The following SNRPN variants were observed in gnomAD, a reference collection of about 807,000 sequenced individuals.
The protein encoded by SNRPN is small nuclear ribonucleoprotein-associated protein N.
SNRPN carries 7 observed loss-of-function variants against 25.2 expected under a neutral mutation model. The observed-to-expected ratio is 0.28, with a 90% CI of 0.16 to 0.52. The LOEUF (loss-of-function observed/expected upper bound fraction) is 0.52. Ranked by LOEUF, SNRPN falls within the 20% of genes least tolerant of loss-of-function variation. The probability of loss-of-function intolerance (pLI) is 0.96; values close to 1 mark genes in which losing one functional copy is unlikely to be tolerated. For synonymous variants in SNRPN, 124 were observed against 110.6 expected (o/e 1.12, Z -0.76); for missense variants, 196 against 322.5 (o/e 0.61, Z 3.00).
chr15:24,933,032 C>A (rs943489231), intron 3 of SNRPN, among the ~76,000 whole-genome samples: 3 of 151,954 alleles, frequency 2.0e-5, no homozygotes, highest in Non-Finnish European at 4.4e-5. Flanking sequence ...GAGGCTGGGG[C>A]AGGAGGATTA....
intron 2 of SNRPN, among the ~76,000 whole-genome samples, chr15:24,843,126 T>G (rs2051845318): frequency 6.6e-6 from 1 of 152,106 alleles, no homozygotes. Context: ...CAGGTTGGAG[T>G]GCAATCCTGC....
At chr15:24,956,895 C>G (rs8027709) in intron 1 of SNRPN, among the ~76,000 whole-genome samples, 148,919 of 152,292 alleles carry the variant, frequency 0.98, 72,839 homozygotes, top group East Asian at 1. Context: ...AGAGTGGTGG[C>G]GGCCTGGAGG....
rs117206290 is a variant in SNRPN at position 24,945,696 on chromosome 15, G to A, written c.-390-16418G>A. Reference sequence around the variant, plus strand: ...TTTTTATTTTGTTGCTTGTGTTCCAGTTGGTGCATTCTCAAGAGTAGGTAC... The same window carrying A: ...TTTTTATTTTGTTGCTTGTGTTCCAATTGGTGCATTCTCAAGAGTAGGTAC... On this transcript the variant is annotated intron_variant, in intron 3 of 11. Coordinates refer to the SNRPN transcript ENST00000400097. 2.9e-3 allele frequency among the ~76,000 whole-genome samples: 437 copies of A among 152,340 alleles called. 2 individuals are homozygous for A. Among genetic ancestry groups the A allele is most frequent in the South Asian group, 0.017 (82 of 4,830 alleles).
At chr15:24,878,605 C>T (rs1273051705) in intron 1 of SNRPN, among the ~76,000 whole-genome samples, 2 of 152,186 alleles carry the variant, frequency 1.3e-5, no homozygotes, top group Non-Finnish European at 2.9e-5. Context: ...TCTGGTCTTG[C>T]ACTTTATGTG....
At chr15:24,825,232 C>CTCA (rs979165373) in intron 1 of SNRPN, among the ~76,000 whole-genome samples, 5 of 151,852 alleles carry the variant, frequency 3.3e-5, no homozygotes, top group Admixed American at 2.0e-4. Context: ...TTAAGTAACC[C>CTCA]TCATCTTCAT....
chr15:24,886,961 A>G (rs921621353), intron 2 of SNRPN, among the ~76,000 whole-genome samples: 2 of 152,122 alleles, frequency 1.3e-5, no homozygotes, highest in Non-Finnish European at 2.9e-5. Flanking sequence ...CAGGAATGGG[A>G]TGTAAAGTGA....
At chr15:24,939,938 T>C (rs2061452788) in intron 3 of SNRPN, among the ~76,000 whole-genome samples, 1 of 151,984 alleles carries the variant, frequency 6.6e-6, no homozygotes, top group Non-Finnish European at 1.5e-5. Context: ...TACAGACGTG[T>C]ACCACCATGC....
At chr15:24,936,753 G>C (rs1175561270) in intron 3 of SNRPN, among the ~76,000 whole-genome samples, 1 of 151,938 alleles carries the variant, frequency 6.6e-6, no homozygotes, top group Non-Finnish European at 1.5e-5. Context: ...AGCACCAAAG[G>C]GGAAATCCAC....
intron 2 of SNRPN, among the ~76,000 whole-genome samples, chr15:24,842,593 G>A (rs946270774): frequency 6.6e-6 from 1 of 152,128 alleles, no homozygotes; most frequent in Non-Finnish European, 1.5e-5. Context: ...ATTGAGCAAA[G>A]CTTTAAGGAA....
chr15:24,847,019 T>G (rs2052265745), intron 2 of SNRPN, among the ~76,000 whole-genome samples: 1 of 152,044 alleles, frequency 6.6e-6, no homozygotes, highest in Admixed American at 6.6e-5. Context: ...CACAAAAAAT[T>G]TTAGTATTTT....
intron 1 of SNRPN, among the ~76,000 whole-genome samples, chr15:24,861,682 GAGT>G (rs2053996491): frequency 1.3e-5 from 2 of 152,152 alleles, no homozygotes; most frequent in Admixed American, 1.3e-4. Context: ...AACCTTATGA[GAGT>G]ACCCTCCTAT....
At chr15:24,956,128 TAAG>T (rs2062824696) in intron 1 of SNRPN, among the ~76,000 whole-genome samples, 2 of 152,250 alleles carry the variant, frequency 1.3e-5, no homozygotes, top group East Asian at 1.9e-4. Context: ...GGCTATGGCA[TAAG>T]AAGACTGGAA....
At position 24,918,746 on chromosome 15, in the gene SNRPN, CAT is replaced by C. The variant is rs1389244897; in HGVS notation, c.-504-1263_-504-1262del. 5.1e-4 allele frequency among the ~76,000 whole-genome samples: 31 copies of C among 61,018 alleles called. 1 individual carries two copies. Among genetic ancestry groups the C allele is most frequent in the East Asian group, 1.7e-3 (4 of 2,398 alleles). The allele number at this position is 61,018 out of a possible 152,430, so 40.0% of individuals were successfully genotyped here. ...AATATATATGTGTGCATATATATAACATAATATATATGTGTGCATATATATAT... is the reference window on the plus strand; with the variant it reads ...AATATATATGTGTGCATATATATAACAATATATATGTGTGCATATATATAT... On this transcript the variant is annotated intron_variant, in intron 2 of 11. Coordinates refer to the SNRPN transcript ENST00000400097.
Position 24,977,021 on chromosome 15 carries a change from T to C in SNRPN, c.412T>C (p.Ser138Pro). The change falls in exon 7 of 10, where the codon TCC becomes CCC. Residue 138 changes from serine (S) to proline (P), a missense_variant. Ser to Pro is a moderately conservative substitution (Grantham distance 74). Transcript: ENST00000390687. Reference sequence around the variant, plus strand: ...CCCTGTCCGAGGAGTTGGGGGACCATCCCAGCAGGTGAGGAACCAGCAGAG... The same window carrying C: ...CCCTGTCCGAGGAGTTGGGGGACCACCCCAGCAGGTGAGGAACCAGCAGAG... Reference protein sequence around the residue: ...AGPVRGVGGPSQQVMTPQGRG... With the variant: ...AGPVRGVGGPPQQVMTPQGRG... The C allele has an allele frequency of 6.4e-7, 1 of 1,569,912 alleles. No homozygotes were observed. The highest frequency in any genetic ancestry group is 2.3e-5 in the East Asian group (1 of 43,968).
In SNRPN at chr15:24,939,757, T is replaced by TG. The variant is rs1164621261; in HGVS notation, c.-391+19633_-391+19634insG. On this transcript the variant is annotated intron_variant, in intron 3 of 11. Coordinates refer to the SNRPN transcript ENST00000400097. ...TTGGCCCATTTTAAAATCAGGTTTT[T>TG]TTTTTTTTTAAAGTTGATTATAGAA... 3.3e-5 allele frequency among the ~76,000 whole-genome samples: 5 copies of TG among 151,332 alleles called. No homozygotes were observed. In the South Asian group the frequency reaches 6.3e-4, roughly 19 times the overall value.
intron 3 of SNRPN, among the ~76,000 whole-genome samples, chr15:24,921,464 G>A (rs765786251): frequency 6.6e-6 from 1 of 152,126 alleles, no homozygotes; most frequent in African/African-American, 2.4e-5. Context: ...CCCAGGTAAG[G>A]GAGTGGAAGC....
At chr15:24,906,706 TG>T (rs766784609) in intron 2 of SNRPN, among the ~76,000 whole-genome samples, 59 of 152,266 alleles carry the variant, frequency 3.9e-4, no homozygotes, top group Non-Finnish European at 6.6e-4. Context: ...GTGCCATATT[TG>T]GGGGCATTAT....
chr15:24,932,037 C>T (rs370697264), intron 3 of SNRPN, among the ~76,000 whole-genome samples: 91 of 151,950 alleles, frequency 6.0e-4, no homozygotes, highest in African/African-American at 2.1e-3. Context: ...GACTATGACC[C>T]TCGCACAGAG....
chr15:24,919,953 T>C (rs1048730174), intron 2 of SNRPN: 1 of 152,204 alleles, frequency 6.6e-6, no homozygotes, highest in Non-Finnish European at 1.5e-5. Context: ...TCTAGATACA[T>C]GTACTTCTAT....
Sources: gnomAD v4.1 joint callset for allele counts (sites outside exome capture counted in the v4.1 genomes callset) on GRCh38, gnomAD v4.1.1 for gene constraint, MANE v1.5 for transcripts, NCBI Gene and HGNC (gene_info 2026-07-23, HGNC 2026-07-21) for gene names.